The following ZFHX4 variants were observed in gnomAD, a reference collection of about 807,000 sequenced individuals.
The protein encoded by ZFHX4 is zinc finger homeobox 4.
ZFHX4 carries 56 observed loss-of-function variants against 267.6 expected under a neutral mutation model. The observed-to-expected ratio is 0.21, with a 90% CI of 0.17 to 0.26. The LOEUF (loss-of-function observed/expected upper bound fraction) is 0.26. Ranked by LOEUF, ZFHX4 falls within the 10% of genes least tolerant of loss-of-function variation. ZFHX4 has a pLI of 1.00. For missense variants in ZFHX4, 4,332 were observed against 4,420.0 expected (o/e 0.98, Z 0.56); for synonymous variants, 1,778 against 1,665.6 (o/e 1.07, Z -1.64).
At chr8:76,796,828 C>G (rs759483435) in intron 4 of ZFHX4, among the ~76,000 whole-genome samples, 1 of 152,148 alleles carries the variant, frequency 6.6e-6, no homozygotes, top group Non-Finnish European at 1.5e-5. Flanking sequence ...TTTACCACAC[C>G]GTGAAGAGGT....
intron 3 of ZFHX4, among the ~76,000 whole-genome samples, chr8:76,761,493 C>A (rs1047768282): frequency 9.9e-5 from 15 of 152,086 alleles, no homozygotes; most frequent in African/African-American, 3.6e-4. Context: ...TTTTACATTT[C>A]TTTTCTTTTA....
At chr8:76,755,157 T>C (rs1312048855) in intron 3 of ZFHX4, among the ~76,000 whole-genome samples, 1 of 152,218 alleles carries the variant, frequency 6.6e-6, no homozygotes, top group Non-Finnish European at 1.5e-5. Flanking sequence ...TATGTTCACA[T>C]ACTTTGCACA....
At chr8:76,840,235 A>C (rs1812200082) in intron 5 of ZFHX4, among the ~76,000 whole-genome samples, 2 of 152,188 alleles carry the variant, frequency 1.3e-5, no homozygotes, top group African/African-American at 4.8e-5. Flanking sequence ...CATTGCAGGC[A>C]AATCCACCTC....
chr8:76,775,733 T>C (rs1810384192), intron 3 of ZFHX4, among the ~76,000 whole-genome samples: 4 of 152,094 alleles, frequency 2.6e-5, no homozygotes, highest in Admixed American at 2.6e-4. Flanking sequence ...GATCAGATAA[T>C]AGGAGCCTTG....
intron 3 of ZFHX4, among the ~76,000 whole-genome samples, chr8:76,744,717 T>A (rs969965552): frequency 7.2e-5 from 11 of 152,150 alleles, no homozygotes; most frequent in Non-Finnish European, 1.5e-4. Context: ...CCAGCCAATA[T>A]GCTATACTTT....
Position 76,854,343 on chromosome 8 carries a change from A to T in ZFHX4, c.7422A>T (p.Pro2474=), listed in dbSNP as rs373809938. 13 of 1,613,818 alleles carry T rather than the reference A, an allele frequency of 8.1e-6. No individual in the cohort carries two copies. The African/African-American group carries it at 1.6e-4, about 20-fold the overall frequency. ...SASQTPVPSS[P]LQISMTSLQN... Reference sequence around the variant, plus strand: ...CTCAAACACCGGTCCCTTCCAGTCCACTGCAAATTTCCATGACGTCTCTCC... The same window carrying T: ...CTCAAACACCGGTCCCTTCCAGTCCTCTGCAAATTTCCATGACGTCTCTCC... The change falls in exon 10 of 11, where the codon CCA becomes CCT. Residue 2474 remains proline, a synonymous_variant. Coordinates refer to ENST00000651372, the MANE Select transcript of ZFHX4 (RefSeq NM_024721.5).
intron 1 of ZFHX4, among the ~76,000 whole-genome samples, chr8:76,687,541 A>G (rs1410086111): frequency 1.3e-5 from 2 of 152,178 alleles, no homozygotes; most frequent in Non-Finnish European, 2.9e-5. Context: ...GGGCATCTGT[A>G]AAAGGAAGGT....
intron 3 of ZFHX4, among the ~76,000 whole-genome samples, chr8:76,729,169 C>G (rs965713853): frequency 2.0e-5 from 3 of 152,104 alleles, no homozygotes; most frequent in Non-Finnish European, 4.4e-5. Context: ...TTTTTGGAAG[C>G]AGTTTCTGTT....
At chr8:76,724,588 C>A (rs1209895113) in intron 3 of ZFHX4, among the ~76,000 whole-genome samples, 1 of 152,050 alleles carries the variant, frequency 6.6e-6, no homozygotes, top group Non-Finnish European at 1.5e-5. Flanking sequence ...GAAGGTCTGG[C>A]ACTTTAGTGA....
At chr8:76,708,148 GAAAA>G in intron 3 of ZFHX4, 100 bp downstream of exon 3, 1 of 1,466,248 alleles carries the variant, frequency 6.8e-7, no homozygotes, top group South Asian at 1.2e-5. Context: ...AAAAAAAAGA[GAAAA>G]AACATCAAAG....
intron 10 of ZFHX4, among the ~76,000 whole-genome samples, chr8:76,858,532 C>T (rs556482005): frequency 3.0e-4 from 46 of 152,284 alleles, no homozygotes; most frequent in Non-Finnish European, 5.3e-4. Context: ...AGATTTTAAA[C>T]ATTAACACAG....
At chr8:76,759,273 A>T (rs1016133914) in intron 3 of ZFHX4, among the ~76,000 whole-genome samples, 2 of 150,606 alleles carry the variant, frequency 1.3e-5, no homozygotes, top group South Asian at 2.1e-4. Context: ...TAAAGGTGAT[A>T]AAAAAAATCT....
intron 3 of ZFHX4, among the ~76,000 whole-genome samples, chr8:76,725,099 T>C (rs1174181062): frequency 6.6e-6 from 1 of 152,102 alleles, no homozygotes; most frequent in East Asian, 1.9e-4. Context: ...GTATTGTATG[T>C]TCTATAATTG....
At chr8:76,788,474 C>G (rs893190142) in intron 4 of ZFHX4, among the ~76,000 whole-genome samples, 1 of 152,174 alleles carries the variant, frequency 6.6e-6, no homozygotes, top group Non-Finnish European at 1.5e-5. Flanking sequence ...CCTCTTGGCT[C>G]TCAGTCCAGA....
In ZFHX4 at chr8:76,762,816, A is replaced by G. The variant is rs559221696; in HGVS notation, c.3094-15392A>G. Among the ~76,000 whole-genome samples, 172 of 152,314 alleles carry G rather than the reference A, an allele frequency of 1.1e-3. 1 individual carries two copies. The highest frequency in any genetic ancestry group is 3.7e-3 in the African/African-American group (155 of 41,570). ...CGTATTGACTCTCTCAATAGGTAAC[A>G]GTTTTAGGTCTTCCAGTTCTCCAAT... On this transcript the variant is annotated intron_variant, in intron 3 of 10. Coordinates refer to ENST00000651372, the MANE Select transcript of ZFHX4 (RefSeq NM_024721.5).
rs772460088 is a variant in ZFHX4, at chr8:76,853,806, A to G, written c.6885A>G (p.Glu2295=). 1.9e-6 allele frequency: 3 copies of G among 1,613,854 alleles called. No homozygotes were observed. Among genetic ancestry groups the G allele is most frequent in the Non-Finnish European group, 2.5e-6 (3 of 1,179,826 alleles). ...YENQAETKDN[E]KRELTNERYI... is the part of the protein sequence containing the mutation. The stretch of plus-strand genomic sequence containing the variant: ...ATCAAGCAGAAACAAAAGATAATGA[A>G]AAAAGAGAACTCACTAATGAACGGT... Residue 2295 remains glutamate (E), a synonymous_variant, in exon 10 of 11, where the codon GAA becomes GAG. Coordinates refer to ENST00000651372, the MANE Select transcript of ZFHX4 (RefSeq NM_024721.5).
At chr8:76,795,634 C>T (rs1810961611) in intron 4 of ZFHX4, among the ~76,000 whole-genome samples, 1 of 150,486 alleles carries the variant, frequency 6.6e-6, no homozygotes, top group Admixed American at 6.6e-5. Context: ...GCAACCTCTG[C>T]CTCCCAGGTT....
intron 4 of ZFHX4, among the ~76,000 whole-genome samples, chr8:76,794,871 CATTGT>C (rs1185290883): frequency 7.2e-6 from 1 of 139,572 alleles, no homozygotes; most frequent in Admixed American, 7.1e-5. Context: ...GCTGGCCTGT[CATTGT>C]GTGTGTGTGT....
chr8:76,787,340 G>A lies in ZFHX4; in HGVS notation c.3325+8901G>A, dbSNP rs546445873. Among the ~76,000 whole-genome samples, 7 of 152,118 alleles carry A rather than the reference G, an allele frequency of 4.6e-5. No individual in the cohort carries two copies. In the South Asian group the frequency reaches 1.2e-3, roughly 27 times the overall value. ...TAGAAAAAGAGAGTCTTGAAATACG[G>A]GCAGGTTTTCAACAAGGGGAGAGGG... On this transcript the variant is annotated intron_variant, in intron 4 of 10. Transcript: ENST00000651372.
Sources: gnomAD v4.1 joint callset for allele counts (sites outside exome capture counted in the v4.1 genomes callset) on GRCh38, gnomAD v4.1.1 for gene constraint, MANE v1.5 for transcripts, NCBI Gene and HGNC (gene_info 2026-07-23, HGNC 2026-07-21) for gene names.